The following NRAP variants were observed in gnomAD, a reference collection of about 807,000 sequenced individuals.
NRAP encodes nebulin-related-anchoring protein.
A neutral mutation model predicts 225.9 loss-of-function variants in NRAP; 189 were observed. The observed-to-expected ratio is 0.84, with a 90% CI of 0.74 to 0.94. The LOEUF is 0.94. Ranked by LOEUF, NRAP falls within the 40% of genes least tolerant of loss-of-function variation. The pLI, the probability that NRAP is intolerant of heterozygous loss-of-function variation, is 0.00. For synonymous variants in NRAP, 769 were observed against 790.7 expected, an observed-to-expected ratio of 0.97 and a Z score of 0.46; for missense variants, 2,176 against 2,168.7, an observed-to-expected ratio of 1.00 and a Z score of -0.07.
At chr10:113,662,866 A>G in intron 2 of NRAP, 100 bp from the exon 3 acceptor site, 1 of 565,068 alleles carries the variant, frequency 1.8e-6, no homozygotes, top group East Asian at 3.3e-5. Context: ...AGTTATTTTT[A>G]AAAAATCAAT....
intron 20 of NRAP, among the ~76,000 whole-genome samples, chr10:113,627,962 T>C (rs1443279580): frequency 6.6e-6 from 1 of 152,186 alleles, no homozygotes; most frequent in Admixed American, 6.5e-5. Flanking sequence ...ATTATTATAA[T>C]TTGCAAGAGA....
chr10:113,591,468 T>C (rs1378494878), intron 39 of NRAP, among the ~76,000 whole-genome samples: 1 of 152,200 alleles, frequency 6.6e-6, no homozygotes, highest in Non-Finnish European at 1.5e-5. Flanking sequence ...CCCTTTTCAA[T>C]GAGATGAGTC....
chr10:113,631,419 A>T (rs1848569770), intron 18 of NRAP, 90 bp downstream of exon 18: 1 of 692,296 alleles, frequency 1.4e-6, no homozygotes, highest in African/African-American at 1.8e-5. Flanking sequence ...GTCAATAAAA[A>T]GGTTACAGTC....
intron 26 of NRAP, among the ~76,000 whole-genome samples, chr10:113,616,596 A>G (rs1231538124): frequency 2.0e-5 from 3 of 152,206 alleles, no homozygotes; most frequent in African/African-American, 7.2e-5. Context: ...AAGCTTGTAA[A>G]TCATCCCATC....
chr10:113,594,236 C>T (rs1156798733), intron 38 of NRAP, among the ~76,000 whole-genome samples: 1 of 152,208 alleles, frequency 6.6e-6, no homozygotes, highest in Non-Finnish European at 1.5e-5. Context: ...GGTCACTTTC[C>T]CTCCACATCT....
At chr10:113,629,503 G>A (rs1848463555) in intron 19 of NRAP, 85 bp downstream of exon 19, 1 of 935,332 alleles carries the variant, frequency 1.1e-6, no homozygotes, top group Non-Finnish European at 1.7e-6. Flanking sequence ...TTATGTAATA[G>A]ACTCGTGCAC....
intron 35 of NRAP, among the ~76,000 whole-genome samples, chr10:113,599,661 G>C (rs1003194370): frequency 2.6e-5 from 4 of 152,138 alleles, no homozygotes; most frequent in African/African-American, 9.7e-5. Context: ...TCAGCTCCCA[G>C]CCCAGCTTTG....
At chr10:113,615,001 A>G in intron 27 of NRAP, 55 bp from the exon 28 acceptor site, 1 of 1,084,104 alleles carries the variant, frequency 9.2e-7, no homozygotes, top group Non-Finnish European at 1.4e-6. Flanking sequence ...TGGTTTCCTA[A>G]ACTCTGGCTT....
Position 113,592,180 on chromosome 10 carries a change from C to A in NRAP, c.4644+14G>T. 6.5e-7 allele frequency: 1 copy of A among 1,544,340 alleles called. No homozygotes were observed. On this transcript the variant is annotated intron_variant, in intron 39 of 41. Transcript: ENST00000359988. ...ACTCATCAGTGACCGCAGGAGAGAACATGGGGGTCTTACATCACTGGCGAT... is the reference window on the plus strand; with the variant it reads ...ACTCATCAGTGACCGCAGGAGAGAAAATGGGGGTCTTACATCACTGGCGAT...
rs566768114 is a variant in NRAP, at chr10:113,647,609, C to T, written c.889-582G>A. Among the ~76,000 whole-genome samples the T allele has an allele frequency of 3.2e-5, 3 of 95,144 alleles. No individual in the cohort carries two copies. The East Asian group carries it at 1.2e-3, about 39-fold the overall frequency. 62.4% of individuals were successfully genotyped at this position (95,144 alleles called of 152,430 possible). ...ACTTCCTCCCCTAGTGGTACTGTCT[C>T]CCCCGGTGGTACTTCCTCCCCTAGT... On this transcript the variant is annotated intron_variant, in intron 9 of 41. Transcript: ENST00000359988.
intron 4 of NRAP, among the ~76,000 whole-genome samples, chr10:113,654,919 TA>T (rs5788040): frequency 0.047 from 7,190 of 152,170 alleles, 511 homozygotes; most frequent in African/African-American, 0.16. Context: ...CTGCCATGAA[TA>T]AAAGCATGAA....
At position 113,626,094 on chromosome 10, in the gene NRAP, T is replaced by C; in HGVS notation, c.2197A>G (p.Ser733Gly). The C allele has an allele frequency of 1.9e-6, 3 of 1,612,586 alleles. No homozygotes were observed. Among genetic ancestry groups the C allele is most frequent in the African/African-American group, 1.3e-5 (1 of 75,050 alleles). The change falls in exon 21 of 42, where the codon AGC becomes GGC. Residue 733 changes from serine to glycine, a missense_variant. Physicochemically the swap from Ser to Gly is moderately conservative, Grantham distance 56. Coordinates refer to ENST00000359988, the MANE Select transcript of NRAP (RefSeq NM_198060.4). ...TTCTTGGCGTGCTCCATCTGGGAGC[T>C]GTCGGTCACGCTGGTGAACTTCAGC... ...DELKFTSVTD[S>G]SQMEHAKKSQ... is the part of the protein sequence containing the mutation.
Position 113,623,603 on chromosome 10 carries a change from C to T in NRAP, c.2383G>A (p.Ala795Thr), listed in dbSNP as rs752566209. 7 of 1,614,010 alleles carry T rather than the reference C, an allele frequency of 4.3e-6. No homozygotes were observed. The South Asian group carries it at 7.7e-5, about 18-fold the overall frequency. Residue 795 changes from alanine to threonine, a missense_variant, in exon 23 of 42, where the codon GCA (alanine) becomes ACA (threonine). Physicochemically the swap from Ala to Thr is moderately conservative, Grantham distance 58 (BLOSUM62 0). Around this residue, in one of 3 missense-constraint regions of NRAP, gnomAD observed 1,708 missense variants for 1,695.5 expected, o/e 1.01. Coordinates refer to ENST00000359988, the MANE Select transcript of NRAP (RefSeq NM_198060.4). ...LYKSSWENQK[A>T]KGFELRLDSL... ...TCAAGACGCAGCTCAAACCCTTTTG[C>T]TTTCTGGTTTTCCCAGCTGCTCTTA...
chr10:113,631,605 T>G lies in NRAP; in HGVS notation c.1746A>C (p.Lys582Asn). Reference protein sequence around the residue: ...KASGELASNIKYKEEYEKTKG... With the variant: ...KASGELASNINYKEEYEKTKG... ...TTGTCTTTTCATATTCTTCTTTATA[T>G]TTAATCTTGAGAGAAAGAAGAAGGT... The change falls in exon 18 of 42, where the codon AAA becomes AAC. Residue 582 changes from lysine (K) to asparagine (N), a missense_variant. By Grantham distance (94) the Lys-to-Asn change is moderately conservative. Coordinates refer to ENST00000359988, the MANE Select transcript of NRAP (RefSeq NM_198060.4). The G allele has an allele frequency of 1.2e-6, 2 of 1,600,254 alleles. No homozygotes were observed. The highest frequency in any genetic ancestry group is 1.7e-6 in the Non-Finnish European group (2 of 1,168,348).
At chr10:113,596,854 C>T (rs1846308320) in intron 37 of NRAP, among the ~76,000 whole-genome samples, 1 of 152,070 alleles carries the variant, frequency 6.6e-6, no homozygotes, top group Non-Finnish European at 1.5e-5. Flanking sequence ...TATTATCCTC[C>T]CCGAAACCCC....
At chr10:113,641,530 A>ATCTTC in intron 12 of NRAP, 58 bp from the exon 13 acceptor site, 4 of 997,954 alleles carry the variant, frequency 4.0e-6, no homozygotes, top group Non-Finnish European at 6.4e-6. Flanking sequence ...AGTTGAAGAT[A>ATCTTC]AACTACTCAT....
At chr10:113,609,770 C>G (rs1185892496) in intron 31 of NRAP, among the ~76,000 whole-genome samples, 3 of 152,042 alleles carry the variant, frequency 2.0e-5, no homozygotes, top group South Asian at 2.1e-4. Context: ...TCAGTGCTGG[C>G]CTGGAATGTC....
At chr10:113,634,049 C>A in intron 15 of NRAP, 63 bp downstream of exon 15, 1 of 1,026,292 alleles carries the variant, frequency 9.7e-7, no homozygotes, top group South Asian at 1.3e-5. Context: ...GTCAGATGTC[C>A]AGAGGCCTCA....
chr10:113,607,399 CAAAAAAAAAAAAAAAAAAAAA>C (rs543627940), intron 32 of NRAP, among the ~76,000 whole-genome samples: 97 of 68,608 alleles, frequency 1.4e-3, no homozygotes, highest in South Asian at 3.4e-3. Flanking sequence ...GAAACTCCGT[CAAAAAAAAAAAAAAAAAAAAA>C]AAAAAAAAAA....
Sources: allele counts gnomAD v4.1 joint callset (sites outside exome capture counted in the v4.1 genomes callset), GRCh38; gene constraint gnomAD v4.1.1; regional missense constraint gnomAD v4.1.1; transcripts MANE v1.5; gene names NCBI Gene and HGNC (gene_info 2026-07-23, HGNC 2026-07-21).